Variants in CGREF1 observed in about 807,000 individuals in gnomAD.
CGREF1 encodes the protein cell growth regulator with EF hand domain protein 1.
A neutral mutation model predicts 17.4 loss-of-function variants in CGREF1; 16 were observed. The ratio of observed to expected loss-of-function variants is 0.92; its 90% CI spans 0.62 to 1.40. The LOEUF is 1.40. Among genes scored for constraint, CGREF1 ranks in the 40% most tolerant of loss-of-function variants. The probability of loss-of-function intolerance (pLI) is 0.00; values close to 1 mark genes in which losing one functional copy is unlikely to be tolerated. For missense variants in CGREF1, 296 were observed against 376.4 expected (o/e 0.79, Z 1.77); for synonymous variants, 142 against 154.6 (o/e 0.92, Z 0.61).
chr2:27,105,033 C>T (rs992586879), intron 1 of CGREF1, among the ~76,000 whole-genome samples: 6 of 152,192 alleles, frequency 3.9e-5, no homozygotes, highest in African/African-American at 1.4e-4. Context: ...AAAAACTTCC[C>T]CTAAGACTGA....
intron 4 of CGREF1, 31 bp downstream of exon 4, chr2:27,102,329 C>T (rs368982172): frequency 2.3e-5 from 37 of 1,612,804 alleles, no homozygotes; most frequent in Middle Eastern, 1.6e-4. Context: ...CAGAGCCTCC[C>T]GTCCCTGGCC....
rs1453809911 is a variant in CGREF1 at position 27,111,800 on chromosome 2, G to T, written c.-12+7046C>A. Among the ~76,000 whole-genome samples the T allele has an allele frequency of 2.6e-5, 4 of 151,936 alleles. No individual in the cohort carries two copies. The East Asian group carries it at 7.7e-4, about 29-fold the overall frequency. ...GAGCCCACGCCCACCCGGAACTCGC[G>T]CTGGCCGGCAAGCGCCGCGCGCAGC... On this transcript the variant is annotated intron_variant, in intron 1 of 5. Transcript: ENST00000402394.
chr2:27,101,732 CA>C lies in CGREF1; in HGVS notation c.498del (p.Gly167GlufsTer6), dbSNP rs752699067. On this transcript the variant is annotated frameshift_variant, in exon 6 of 6. Coordinates refer to ENST00000402394, the MANE Select transcript of CGREF1 (RefSeq NM_006569.6). LOFTEE classifies it low-confidence loss of function (END_TRUNC). ...CTTTTAGCTAATAGGGACTGCCTTC[CA>C]ACAGCTTGTGGCTCCTGAGGAGATG... ...LAPSPQEPQA[V>X]GRQSLLAKSP... 1 of 1,614,230 alleles carries C rather than the reference CA, an allele frequency of 6.2e-7. No homozygotes were observed. Among genetic ancestry groups the C allele is most frequent in the Non-Finnish European group, 8.5e-7 (1 of 1,180,046 alleles).
intron 1 of CGREF1, among the ~76,000 whole-genome samples, chr2:27,111,989 C>T (rs1042612769): frequency 6.6e-6 from 1 of 152,206 alleles, no homozygotes; most frequent in Non-Finnish European, 1.5e-5. Context: ...GCGCCGAGAA[C>T]GAGCGAGGGC....
At chr2:27,104,250 C>T (rs765058367) in intron 2 of CGREF1, 37 bp downstream of exon 2, 3 of 1,520,238 alleles carry the variant, frequency 2.0e-6, no homozygotes, top group Non-Finnish European at 2.6e-6. Context: ...ACTTTCCCTC[C>T]TCCCAGCCCT....
rs749419523 is a variant in CGREF1, at chr2:27,101,686, T to C, written c.545A>G (p.Gln182Arg). 8.1e-6 allele frequency: 13 copies of C among 1,614,092 alleles called. No homozygotes were observed. The highest frequency in any genetic ancestry group is 1.0e-5 in the Non-Finnish European group (12 of 1,180,040). The change falls in exon 6 of 6, where the codon CAG becomes CGG. Residue 182 changes from glutamine (Q) to arginine (R), a missense_variant. By Grantham distance (43) the Gln-to-Arg change is conservative (BLOSUM62 1). This residue lies in a region of CGREF1 where 247 missense variants were observed against 267.2 expected (regional missense o/e 0.92). Coordinates refer to ENST00000402394, the MANE Select transcript of CGREF1 (RefSeq NM_006569.6). ...LAKSPLRQET[Q>R]EAPGPREEAK... ...TTCTTCTCTGGGACCAGGGGCTTCC[T>C]GTGTTTCTTGTCTTAATGGGCTTTT...
Position 27,101,218 on chromosome 2 carries a change from C to A in CGREF1, c.*56G>T, listed in dbSNP as rs1012609370. 4.0e-6 allele frequency: 6 copies of A among 1,517,388 alleles called. No homozygotes were observed. The highest frequency in any genetic ancestry group is 5.3e-6 in the Non-Finnish European group (6 of 1,134,454). 94.0% of individuals were successfully genotyped at this position (1,517,388 alleles called of 1,614,324 possible). ...TCCCAGCGTACATTTCCCCTGCCCA[C>A]TTCAGGGCTTATGTTCTGGCACTGA... On this transcript the variant is annotated 3_prime_UTR_variant, in exon 6 of 6. Transcript: ENST00000402394.
At chr2:27,116,454 G>A (rs1416874069) in intron 1 of CGREF1, among the ~76,000 whole-genome samples, 1 of 151,782 alleles carries the variant, frequency 6.6e-6, no homozygotes. Context: ...TTGAACCCAG[G>A]AGGCAGAGGT....
chr2:27,101,147 C>A lies in CGREF1; in HGVS notation c.*127G>T. ...GGTCTCCCTGAGCTGCACAGAAAGA[C>A]CTGATACCTACTGGGACCAGGCAGG... On this transcript the variant is annotated 3_prime_UTR_variant, in exon 6 of 6. Coordinates refer to ENST00000402394, the MANE Select transcript of CGREF1 (RefSeq NM_006569.6). The A allele has an allele frequency of 4.1e-6, 6 of 1,471,396 alleles. No individual in the cohort carries two copies. The South Asian group carries it at 4.5e-5, about 11-fold the overall frequency. The allele number at this position is 1,471,396 out of a possible 1,614,324, so 91.1% of individuals were successfully genotyped here.
At chr2:27,111,080 G>A (rs1212485918) in intron 1 of CGREF1, 2 of 152,308 alleles carry the variant, frequency 1.3e-5, no homozygotes, top group South Asian at 2.1e-4. Flanking sequence ...CCACACTATG[G>A]AAAACGACCT....
chr2:27,101,563 C>G lies in CGREF1; in HGVS notation c.668G>C (p.Gly223Ala). ...AGCCTCTGCCTGGCCCTCAGCTTCC[C>G]CTCTGGGCCCTGGAACATCTCCATC... is the stretch of plus-strand genomic sequence containing the variant. Reference protein sequence around the residue: ...EADGDVPGPRGEAEGQAEAKG... With the variant: ...EADGDVPGPRAEAEGQAEAKG... Residue 223 changes from glycine (G) to alanine (A), a missense_variant, in exon 6 of 6, where the codon GGG (glycine) becomes GCG (alanine). By Grantham distance (60) the Gly-to-Ala change is moderately conservative. Around this residue, in one of 3 missense-constraint regions of CGREF1, gnomAD observed 247 missense variants for 267.2 expected, o/e 0.92. Transcript: ENST00000402394. 6.2e-7 allele frequency: 1 copy of G among 1,613,018 alleles called. No individual in the cohort carries two copies. Among genetic ancestry groups the G allele is most frequent in the Non-Finnish European group, 8.5e-7 (1 of 1,179,842 alleles).
At position 27,103,102 on chromosome 2, in the gene CGREF1, G is replaced by C. The variant is rs963437904; in HGVS notation, c.81-511C>G. 8 of 985,198 alleles carry C rather than the reference G, an allele frequency of 8.1e-6. No individual in the cohort carries two copies. The Admixed American group carries it at 4.9e-4, about 61-fold the overall frequency. The allele number at this position is 985,198 out of a possible 1,614,324, so 61.0% of individuals were successfully genotyped here. On this transcript the variant is annotated intron_variant, in intron 2 of 5. Coordinates refer to ENST00000402394, the MANE Select transcript of CGREF1 (RefSeq NM_006569.6). ...GGGGTTTCAAGCTGCTCAGGATCTCGTTGTCAGTCTTTCAAGCTCCAAATG... is the reference window on the plus strand; with the variant it reads ...GGGGTTTCAAGCTGCTCAGGATCTCCTTGTCAGTCTTTCAAGCTCCAAATG...
intron 1 of CGREF1, among the ~76,000 whole-genome samples, chr2:27,116,974 G>T (rs147636674): frequency 6.9e-6 from 1 of 144,702 alleles, no homozygotes; most frequent in Non-Finnish European, 1.5e-5. Flanking sequence ...GTGCAGTGGC[G>T]CAAAATCTAC....
At chr2:27,116,874 T>C (rs1418784818) in intron 1 of CGREF1, among the ~76,000 whole-genome samples, 27 of 21,490 alleles carry the variant, frequency 1.3e-3, no homozygotes, top group South Asian at 5.3e-3. Context: ...AGGCCTATTC[T>C]CTCTCTCTCT....
chr2:27,111,585 T>C (rs1160972892), intron 1 of CGREF1, among the ~76,000 whole-genome samples: 1 of 152,136 alleles, frequency 6.6e-6, no homozygotes, highest in Non-Finnish European at 1.5e-5. Flanking sequence ...TTGGGAGGCT[T>C]GGGCCGTGCA....
chr2:27,101,857 G>T lies in CGREF1; in HGVS notation c.374C>A (p.Thr125Asn), dbSNP rs373222294. The change falls in exon 6 of 6, where the codon ACC (threonine) becomes AAC (asparagine). Residue 125 changes from threonine to asparagine, a missense_variant. Physicochemically the swap from Thr to Asn is moderately conservative, Grantham distance 65. Around this residue, in one of 3 missense-constraint regions of CGREF1, gnomAD observed 247 missense variants for 267.2 expected, o/e 0.92. Coordinates refer to ENST00000402394, the MANE Select transcript of CGREF1 (RefSeq NM_006569.6). ...VILIVDKVLE[T>N]QDLNGDGLMT... ...GAGCCCATCCCCATTCAGGTCCTGG[G>T]TCTCGAGCACTTTGTCCACTATCAA... The T allele has an allele frequency of 3.1e-6, 5 of 1,613,442 alleles. 1 individual carries two copies. The South Asian group carries it at 5.5e-5, about 18-fold the overall frequency.
chr2:27,104,512 G>A, intron 1 of CGREF1, 135 bp from the exon 2 acceptor site: 1 of 1,551,242 alleles, frequency 6.4e-7, no homozygotes, highest in Non-Finnish European at 8.7e-7. Context: ...CCTGCTCAGG[G>A]AGGACTCACA....
At chr2:27,100,517 C>CT (rs1670756346), downstream of CGREF1, 6 of 1,290,658 alleles carry the variant, frequency 4.6e-6, no homozygotes, top group Non-Finnish European at 6.1e-6. Context: ...GAATTGGGGC[C>CT]AACTCCAATA....
Position 27,102,218 on chromosome 2 carries a change from A to G in CGREF1, c.221T>C (p.Leu74Pro). 1 of 1,610,530 alleles carries G rather than the reference A, an allele frequency of 6.2e-7. No individual in the cohort carries two copies. Among genetic ancestry groups the G allele is most frequent in the Non-Finnish European group, 8.5e-7 (1 of 1,177,158 alleles). ...GTCATGGAGGGCAAAGAGGTAGAGG[A>G]GAACTAAAGAGAAGAGAAGCTGGAT... is the stretch of plus-strand genomic sequence containing the variant. ...QLEHLSREQV[L>P]LYLFALHDYD... Residue 74 changes from leucine (L) to proline (P), a missense_variant, in exon 5 of 6, where the codon CTC becomes CCC. Physicochemically the swap from Leu to Pro is moderately conservative, Grantham distance 98. This residue lies in a region of CGREF1 where 247 missense variants were observed against 267.2 expected (regional missense o/e 0.92). Transcript: ENST00000402394.
Sources: allele counts gnomAD v4.1 joint callset (sites outside exome capture counted in the v4.1 genomes callset), GRCh38; gene constraint gnomAD v4.1.1; regional missense constraint gnomAD v4.1.1; transcripts MANE v1.5; gene names NCBI Gene and HGNC (gene_info 2026-07-23, HGNC 2026-07-21).